The following EPHA7 variants were observed in gnomAD, a reference collection of about 807,000 sequenced individuals.
EPHA7 encodes the protein EPH receptor A7, also known as ephrin type-A receptor 7.
Under a neutral mutation model 112.6 loss-of-function variants are expected in EPHA7, and 25 were observed. The observed-to-expected ratio is 0.22, with a 90% CI of 0.16 to 0.31. The LOEUF (loss-of-function observed/expected upper bound fraction) is 0.31. Ranked by LOEUF, EPHA7 falls within the 10% of genes least tolerant of loss-of-function variation. EPHA7 has a pLI of 1.00. For synonymous variants in EPHA7, 437 were observed against 406.5 expected (o/e 1.07, Z -0.90); for missense variants, 962 against 1,212.6 (o/e 0.79, Z 3.07).
intron 5 of EPHA7, among the ~76,000 whole-genome samples, chr6:93,316,748 T>G (rs952516270): frequency 6.6e-6 from 1 of 152,168 alleles, no homozygotes; most frequent in African/African-American, 2.4e-5. Flanking sequence ...GGATTATATA[T>G]TTTCAAGAAT....
intron 2 of EPHA7, among the ~76,000 whole-genome samples, chr6:93,412,726 T>C (rs560656552): frequency 2.0e-5 from 3 of 152,076 alleles, no homozygotes; most frequent in Admixed American, 2.0e-4. Context: ...CTGAAAGAAG[T>C]AAAACTAGTA....
chr6:93,275,420 T>C (rs1465062863), intron 5 of EPHA7, among the ~76,000 whole-genome samples: 2 of 151,880 alleles, frequency 1.3e-5, no homozygotes, highest in African/African-American at 4.8e-5. Flanking sequence ...TTCACTAGAG[T>C]TTCTAGAAGT....
intron 5 of EPHA7, among the ~76,000 whole-genome samples, chr6:93,338,018 G>A (rs760306892): frequency 2.0e-5 from 3 of 151,968 alleles, no homozygotes; most frequent in Non-Finnish European, 4.4e-5. Flanking sequence ...CATTGGGAGG[G>A]AGAGAACAAA....
At chr6:93,299,611 G>A (rs1490791241) in intron 5 of EPHA7, among the ~76,000 whole-genome samples, 4 of 151,998 alleles carry the variant, frequency 2.6e-5, no homozygotes, top group Non-Finnish European at 4.4e-5. Context: ...ACTACCATTC[G>A]ACACAACAAT....
chr6:93,369,322 T>C (rs924167665), intron 3 of EPHA7, among the ~76,000 whole-genome samples: 4 of 152,082 alleles, frequency 2.6e-5, no homozygotes, highest in African/African-American at 9.7e-5. Context: ...TAATTGCTGA[T>C]TTTTACCTCC....
chr6:93,370,422 T>G (rs1429216831), intron 3 of EPHA7, among the ~76,000 whole-genome samples: 1 of 152,156 alleles, frequency 6.6e-6, no homozygotes, highest in Non-Finnish European at 1.5e-5. Context: ...CTGTTGGTAA[T>G]TTGGAACTAG....
intron 5 of EPHA7, among the ~76,000 whole-genome samples, chr6:93,305,779 C>A (rs1209930774): frequency 6.6e-6 from 1 of 151,786 alleles, no homozygotes; most frequent in East Asian, 1.9e-4. Flanking sequence ...TCTACTAGAG[C>A]CACCTTTGCA....
intron 3 of EPHA7, 37 bp from the exon 4 acceptor site, chr6:93,358,448 G>A (rs1562122520): frequency 6.5e-7 from 1 of 1,534,748 alleles, no homozygotes; most frequent in South Asian, 1.3e-5. Flanking sequence ...TGAGACATGA[G>A]AGCAAATCGA....
chr6:93,289,492 C>T (rs1462292814), intron 5 of EPHA7, among the ~76,000 whole-genome samples: 2 of 151,696 alleles, frequency 1.3e-5, no homozygotes, highest in Non-Finnish European at 2.9e-5. Flanking sequence ...GGAGTGGTGG[C>T]GAGCACCTGT....
At chr6:93,277,748 A>G (rs917772602) in intron 5 of EPHA7, among the ~76,000 whole-genome samples, 4 of 152,024 alleles carry the variant, frequency 2.6e-5, no homozygotes, top group African/African-American at 9.7e-5. Context: ...CAAAATGTAA[A>G]ATATACAATA....
intron 5 of EPHA7, among the ~76,000 whole-genome samples, chr6:93,343,932 A>T (rs1775263933): frequency 6.6e-6 from 1 of 151,712 alleles, no homozygotes; most frequent in Admixed American, 6.6e-5. Flanking sequence ...CTTTGTTTAT[A>T]TAATTTTCAA....
At chr6:93,290,505 G>A (rs1290627596) in intron 5 of EPHA7, among the ~76,000 whole-genome samples, 1 of 152,014 alleles carries the variant, frequency 6.6e-6, no homozygotes, top group Non-Finnish European at 1.5e-5. Flanking sequence ...AATTTGCCAG[G>A]TCTAATTCAG....
chr6:93,352,136 G>T (rs1271974114), intron 5 of EPHA7, among the ~76,000 whole-genome samples: 1 of 152,060 alleles, frequency 6.6e-6, no homozygotes, highest in East Asian at 1.9e-4. Flanking sequence ...GTATTTGATG[G>T]TGGTGACACA....
At chr6:93,375,712 G>C (rs1777027190) in intron 3 of EPHA7, among the ~76,000 whole-genome samples, 1 of 151,344 alleles carries the variant, frequency 6.6e-6, no homozygotes, top group South Asian at 2.1e-4. Context: ...AAAAAGAATA[G>C]AGTTCTGTGA....
intron 3 of EPHA7, among the ~76,000 whole-genome samples, chr6:93,370,391 A>G (rs567630801): frequency 6.6e-6 from 1 of 152,322 alleles, no homozygotes; most frequent in South Asian, 2.1e-4. Flanking sequence ...GCCATACAGT[A>G]AGTACACAAT....
chr6:93,269,432 G>T, intron 7 of EPHA7, 45 bp downstream of exon 7: 2 of 1,542,550 alleles, frequency 1.3e-6, no homozygotes, highest in Non-Finnish European at 1.8e-6. Flanking sequence ...ATTAATATAT[G>T]CTAGAGTTAT....
In EPHA7 at chr6:93,356,799, T is replaced by C; in HGVS notation, c.1242A>G (p.Glu414=). 1 of 1,614,162 alleles carries C rather than the reference T, an allele frequency of 6.2e-7. No individual in the cohort carries two copies. Among genetic ancestry groups the C allele is most frequent in the Non-Finnish European group, 8.5e-7 (1 of 1,180,014 alleles). The change falls in exon 5 of 17, where the codon GAA becomes GAG. Residue 414 remains glutamate, a synonymous_variant. Transcript: ENST00000369303. ...DLLAHANYTF[E]VEAVNGVSDL... Reference sequence around the variant, plus strand: ...CAGAAACTCCATTTACAGCTTCAACTTCAAAAGTATAATTAGCGTGGGCTA... The same window carrying C: ...CAGAAACTCCATTTACAGCTTCAACCTCAAAAGTATAATTAGCGTGGGCTA...
chr6:93,395,272 A>G (rs1778110216), intron 3 of EPHA7, among the ~76,000 whole-genome samples: 1 of 151,896 alleles, frequency 6.6e-6, no homozygotes, highest in Admixed American at 6.6e-5. Context: ...TAATAATGTG[A>G]AAGATGTATA....
intron 2 of EPHA7, among the ~76,000 whole-genome samples, chr6:93,411,578 G>A (rs902985800): frequency 1.3e-5 from 2 of 152,014 alleles, no homozygotes; most frequent in Non-Finnish European, 2.9e-5. Flanking sequence ...ATTTTAAGTG[G>A]CCATATCATA....
Sources: allele counts gnomAD v4.1 joint callset (sites outside exome capture counted in the v4.1 genomes callset), GRCh38; gene constraint gnomAD v4.1.1; transcripts MANE v1.5; gene names NCBI Gene and HGNC (gene_info 2026-07-23, HGNC 2026-07-21).